The following XYLB variants were observed in gnomAD, a reference collection of about 807,000 sequenced individuals.
XYLB encodes the protein xylulokinase, also known as xylulose kinase.
Under a neutral mutation model 78.7 loss-of-function variants are expected in XYLB, and 62 were observed. The observed-to-expected ratio is 0.79, with a 90% CI of 0.64 to 0.97. The LOEUF (loss-of-function observed/expected upper bound fraction) is 0.97. Ranked by LOEUF, XYLB falls within the 50% of genes least tolerant of loss-of-function variation. The pLI is 0.00. For missense variants in XYLB, 687 were observed against 676.8 expected (o/e 1.02, Z -0.17); for synonymous variants, 245 against 247.4 (o/e 0.99, Z 0.09).
intron 10 of XYLB, among the ~76,000 whole-genome samples, chr3:38,373,392 C>T (rs574267626): frequency 2.6e-5 from 4 of 152,354 alleles, no homozygotes; most frequent in African/African-American, 9.6e-5. Context: ...TTAACAGTAA[C>T]TAGAAAGGTT....
intron 2 of XYLB, among the ~76,000 whole-genome samples, chr3:38,349,733 C>T (rs558706575): frequency 3.5e-4 from 54 of 152,210 alleles, no homozygotes; most frequent in African/African-American, 1.3e-3. Flanking sequence ...CACATCTGGC[C>T]GTTAGGAGTC....
At chr3:38,359,785 G>A (rs1488847055) in intron 2 of XYLB, among the ~76,000 whole-genome samples, 1 of 152,146 alleles carries the variant, frequency 6.6e-6, no homozygotes, top group African/African-American at 2.4e-5. Flanking sequence ...TTATCTAATA[G>A]CATCTTGGTG....
rs1020615520 is a variant in XYLB, at chr3:38,357,889, T to C, written c.141-2450T>C. On this transcript the variant is annotated intron_variant, in intron 2 of 18. Coordinates refer to ENST00000207870, the MANE Select transcript of XYLB (RefSeq NM_005108.4). Reference sequence around the variant, plus strand: ...TTAAAAAAAAACTGTGTTATTTCTCTTTTATTATTGAGTTGTAAAAGTTTT... The same window carrying C: ...TTAAAAAAAAACTGTGTTATTTCTCCTTTATTATTGAGTTGTAAAAGTTTT... Among the ~76,000 whole-genome samples the C allele has an allele frequency of 3.9e-5, 5 of 127,778 alleles. No individual in the cohort carries two copies. In the East Asian group the frequency reaches 7.3e-4, roughly 19 times the overall value. 83.8% of individuals were successfully genotyped at this position (127,778 alleles called of 152,430 possible).
At chr3:38,404,342 G>T (rs1708229742) in intron 18 of XYLB, among the ~76,000 whole-genome samples, 1 of 152,204 alleles carries the variant, frequency 6.6e-6, no homozygotes. Context: ...TCATTTGGAA[G>T]AGCAAAGGAA....
rs73063256 is a variant in XYLB, at chr3:38,413,468, C to A, written c.*455C>A. 259 of 155,598 alleles carry A rather than the reference C, an allele frequency of 1.7e-3. 1 individual carries two copies. Among genetic ancestry groups the A allele is most frequent in the Non-Finnish European group, 2.5e-3 (178 of 70,532 alleles). The allele number at this position is 155,598 out of a possible 1,614,324, so 9.6% of individuals were successfully genotyped here. Reference sequence around the variant, plus strand: ...AACCGTGACCCATAGCCGCCCCCACCCCATACCTTGATCTACCATCCATCC... The same window carrying A: ...AACCGTGACCCATAGCCGCCCCCACACCATACCTTGATCTACCATCCATCC... On this transcript the variant is annotated 3_prime_UTR_variant, in exon 19 of 19. Transcript: ENST00000207870.
chr3:38,448,948 C>T, the XYLB span, among the ~76,000 whole-genome samples: 1,095 of 152,192 alleles, frequency 7.2e-3, 11 homozygotes, highest in African/African-American at 0.024. Flanking sequence ...CGCAGAGGCT[C>T]GCCCACACAG....
the XYLB span, among the ~76,000 whole-genome samples, chr3:38,437,044 T>TAATAAC: frequency 1.2e-3 from 174 of 144,290 alleles, 1 homozygote; most frequent in Non-Finnish European, 1.9e-3. Context: ...ATAATAATAA[T>TAATAAC]AACAAAAACC....
chr3:38,383,581 A>G (rs1203467028), intron 15 of XYLB, among the ~76,000 whole-genome samples: 1 of 152,102 alleles, frequency 6.6e-6, no homozygotes, highest in Non-Finnish European at 1.5e-5. Flanking sequence ...GGAGTTTGAG[A>G]CTGGCAACAG....
Position 38,397,079 on chromosome 3 carries a change from CAGATGTGTTT to C in XYLB, c.1359_1368del (p.Asp454MetfsTer7). On this transcript the variant is annotated frameshift_variant, in exon 17 of 19. Coordinates refer to ENST00000207870, the MANE Select transcript of XYLB (RefSeq NM_005108.4). LOFTEE classifies it high-confidence loss of function. ...CCTCTGTGTCCTTTTCAGGTGCTTGCAGATGTGTTTGATGCCCCGGTGTATGTTATAGACA... is the reference window on the plus strand; with the variant it reads ...CCTCTGTGTCCTTTTCAGGTGCTTGCGATGCCCCGGTGTATGTTATAGACA... 2 of 1,614,140 alleles carry C rather than the reference CAGATGTGTTT, an allele frequency of 1.2e-6. No individual in the cohort carries two copies. The highest frequency in any genetic ancestry group is 1.7e-6 in the Non-Finnish European group (2 of 1,180,008).
At chr3:38,445,955 G>T in the XYLB span, among the ~76,000 whole-genome samples, 236 of 152,294 alleles carry the variant, frequency 1.5e-3, no homozygotes, top group Non-Finnish European at 2.8e-3. Context: ...GGTTCCTTCT[G>T]GTGGATTCTT....
chr3:38,428,356 A>G, the XYLB span, among the ~76,000 whole-genome samples: 2 of 152,312 alleles, frequency 1.3e-5, no homozygotes, highest in South Asian at 4.1e-4. Context: ...GTGTTGTTCA[A>G]GTCTTTTATG....
intron 6 of XYLB, among the ~76,000 whole-genome samples, chr3:38,366,580 A>C (rs561417877): frequency 6.6e-6 from 1 of 152,352 alleles, no homozygotes; most frequent in Non-Finnish European, 1.5e-5. Flanking sequence ...ACGAGGTCTC[A>C]CTGTGTTGCC....
At chr3:38,397,950 G>C (rs192921037) in intron 17 of XYLB, among the ~76,000 whole-genome samples, 15 of 150,608 alleles carry the variant, frequency 1.0e-4, no homozygotes, top group East Asian at 2.0e-4. Flanking sequence ...TCCCGAGTAG[G>C]TGGGACTACA....
chr3:38,359,966 G>C (rs776404760), intron 2 of XYLB, among the ~76,000 whole-genome samples: 8 of 152,126 alleles, frequency 5.3e-5, no homozygotes, highest in Non-Finnish European at 8.8e-5. Context: ...TGTGATAGTA[G>C]AGACACTCTT....
At chr3:38,400,001 G>A (rs958957144) in intron 17 of XYLB, among the ~76,000 whole-genome samples, 1 of 152,148 alleles carries the variant, frequency 6.6e-6, no homozygotes, top group Non-Finnish European at 1.5e-5. Flanking sequence ...CTCTGAGCTG[G>A]GATTTTCTAG....
chr3:38,432,967 A>T, the XYLB span, among the ~76,000 whole-genome samples: 1 of 152,220 alleles, frequency 6.6e-6, no homozygotes, highest in African/African-American at 2.4e-5. Flanking sequence ...CCCCAGTGGG[A>T]ACTCTCTGTG....
intron 15 of XYLB, among the ~76,000 whole-genome samples, chr3:38,384,872 G>A (rs1406327256): frequency 6.6e-6 from 1 of 152,176 alleles, no homozygotes; most frequent in Non-Finnish European, 1.5e-5. Flanking sequence ...GTTATTCTGA[G>A]ACTTGCTTTC....
chr3:38,440,572 G>T, the XYLB span, among the ~76,000 whole-genome samples: 1 of 152,158 alleles, frequency 6.6e-6, no homozygotes, highest in Non-Finnish European at 1.5e-5. Context: ...AATTAATTAA[G>T]CTTTAGATCT....
chr3:38,392,296 ATTTTGTTTTG>A (rs922558473), intron 15 of XYLB, among the ~76,000 whole-genome samples: 1 of 152,004 alleles, frequency 6.6e-6, no homozygotes, highest in South Asian at 2.1e-4. Context: ...ATTAACGATG[ATTTTGTTTTG>A]TTTTGTTTTG....
Sources: allele counts gnomAD v4.1 joint callset (sites outside exome capture counted in the v4.1 genomes callset), GRCh38; gene constraint gnomAD v4.1.1; transcripts MANE v1.5; gene names NCBI Gene and HGNC (gene_info 2026-07-23, HGNC 2026-07-21).